The following REXO1 variants were observed in gnomAD, a reference collection of about 807,000 sequenced individuals.
REXO1 encodes the protein RNA exonuclease 1 homolog.
REXO1 carries 42 observed loss-of-function variants against 102.6 expected under a neutral mutation model. That is an observed-to-expected ratio of 0.41 (90% CI 0.32 to 0.53). The LOEUF (loss-of-function observed/expected upper bound fraction) is 0.53. Among genes scored for constraint, REXO1 ranks in the 20% least tolerant of loss-of-function variants. The probability of loss-of-function intolerance (pLI) is 0.27; values close to 1 mark genes in which losing one functional copy is unlikely to be tolerated. For synonymous variants in REXO1, 908 were observed against 779.1 expected (o/e 1.17, Z -2.76); for missense variants, 1,819 against 1,732.5 (o/e 1.05, Z -0.89).
chr19:1,818,456 G>T (rs2069434744), intron 10 of REXO1, 26 bp downstream of exon 10: 3 of 1,545,502 alleles, frequency 1.9e-6, no homozygotes, highest in African/African-American at 1.4e-5. Flanking sequence ...TGGGTGGGAA[G>T]GGGAAGGACC....
intron 11 of REXO1, 80 bp from the exon 12 acceptor site, chr19:1,817,409 C>G: frequency 6.4e-7 from 1 of 1,571,632 alleles, no homozygotes. Flanking sequence ...ATCTCTGAGC[C>G]CTTCGGGACC....
chr19:1,838,885 G>GGCTGGTGGATCTCTTGA (rs527582961), intron 1 of REXO1, among the ~76,000 whole-genome samples: 1 of 151,954 alleles, frequency 6.6e-6, no homozygotes, highest in South Asian at 2.1e-4. Context: ...GGGAGGACAA[G>GGCTGGTGGATCTCTTGA]GCTGGTGGAT....
chr19:1,838,962 C>A (rs1379337127), intron 1 of REXO1, among the ~76,000 whole-genome samples: 1 of 151,264 alleles, frequency 6.6e-6, no homozygotes, highest in Non-Finnish European at 1.5e-5. Flanking sequence ...ACTAAAAATA[C>A]AAAAATCAGC....
chr19:1,842,658 A>C (rs935429212), intron 1 of REXO1, among the ~76,000 whole-genome samples: 2 of 152,138 alleles, frequency 1.3e-5, no homozygotes, highest in Non-Finnish European at 2.9e-5. Flanking sequence ...AAAAAACAGA[A>C]TCCAACCTCA....
In REXO1 at chr19:1,816,193, G is replaced by A. The variant is rs758535327; in HGVS notation, c.3577+32C>T. On this transcript the variant is annotated intron_variant, in intron 15 of 15. Coordinates refer to ENST00000170168, the MANE Select transcript of REXO1 (RefSeq NM_020695.4). ...GCGGTGAGCACCCGGCCCCTGCGCA[G>A]GGACGGCCCCAGGGCAGGCACCGGC... 9 of 1,567,698 alleles carry A rather than the reference G, an allele frequency of 5.7e-6. No homozygotes were observed. In the African/African-American group the frequency reaches 9.5e-5, roughly 16 times the overall value.
intron 1 of REXO1, among the ~76,000 whole-genome samples, chr19:1,844,789 T>C (rs934788512): frequency 3.3e-5 from 5 of 152,192 alleles, no homozygotes; most frequent in Non-Finnish European, 4.4e-5. Flanking sequence ...GGATGGCCCC[T>C]TCCCCAGGCC....
chr19:1,827,626 C>G lies in REXO1; in HGVS notation c.1163G>C (p.Ser388Thr). 1 of 1,575,926 alleles carries G rather than the reference C, an allele frequency of 6.3e-7. No homozygotes were observed. Residue 388 changes from serine to threonine, a missense_variant, in exon 2 of 16, where the codon AGC becomes ACC. Physicochemically the swap from Ser to Thr is moderately conservative, Grantham distance 58. Transcript: ENST00000170168. Reference protein sequence around the residue: ...KKKTGAPPAPSCKDGAQGKDK... With the variant: ...KKKTGAPPAPTCKDGAQGKDK... ...CTTCCCCTGGGCCCCGTCTTTGCAG[C>G]TGGGGGCAGGTGGGGCCCCGGTTTT... is the stretch of plus-strand genomic sequence containing the variant.
At chr19:1,818,679 C>T in intron 9 of REXO1, 27 bp downstream of exon 9, 2 of 1,609,986 alleles carry the variant, frequency 1.2e-6, no homozygotes, top group Non-Finnish European at 1.7e-6. Flanking sequence ...ACCTGCCCAC[C>T]TAGGCCGTCG....
chr19:1,823,539 C>G (rs1315229584), intron 4 of REXO1, 33 bp downstream of exon 4: 2 of 1,273,532 alleles, frequency 1.6e-6, no homozygotes, highest in Non-Finnish European at 2.0e-6. Flanking sequence ...TGCCCACGGC[C>G]CCCCGGCACA....
chr19:1,839,368 G>C (rs2011198043), intron 1 of REXO1, among the ~76,000 whole-genome samples: 1 of 152,184 alleles, frequency 6.6e-6, no homozygotes, highest in Non-Finnish European at 1.5e-5. Flanking sequence ...TCCCCGTCAG[G>C]CACAGAGGAC....
At position 1,816,585 on chromosome 19, in the gene REXO1, G is replaced by A. The variant is rs1480511821; in HGVS notation, c.3318-16C>T. The A allele has an allele frequency of 6.2e-7, 1 of 1,607,556 alleles. No individual in the cohort carries two copies. The highest frequency in any genetic ancestry group is 1.3e-5 in the African/African-American group (1 of 74,626). On this transcript the variant is annotated splice_polypyrimidine_tract_variant and intron_variant, in intron 13 of 15. Transcript: ENST00000170168. ...CCCCGAAAACCTGGGGGAACGGGCA[G>A]GAGGGGCACCAGGGCTCAGCCTGGA...
At chr19:1,823,310 C>T (rs1323052418) in intron 4 of REXO1, 1 of 387,522 alleles carries the variant, frequency 2.6e-6, no homozygotes, top group African/African-American at 2.1e-5. Context: ...GGCCCTGGTT[C>T]AGCCCAGTCC....
Position 1,827,192 on chromosome 19 carries a change from G to T in REXO1, c.1597C>A (p.Pro533Thr). 5 of 1,540,474 alleles carry T rather than the reference G, an allele frequency of 3.2e-6. No individual in the cohort carries two copies. The highest frequency in any genetic ancestry group is 3.5e-6 in the Non-Finnish European group (4 of 1,146,650). ...GAGGGCCACACGCTCGGCACCCCTG[G>T]CCCTGCGGCCTCGTCCTCACTCTCG... is the stretch of plus-strand genomic sequence containing the variant. The part of the protein sequence containing the change: ...GDESEDEAAG[P>T]GVPSVWPSAL... Residue 533 changes from proline to threonine, a missense_variant, in exon 2 of 16, where the codon CCA (proline) becomes ACA (threonine). Pro to Thr is a conservative substitution (Grantham distance 38). Coordinates refer to ENST00000170168, the MANE Select transcript of REXO1 (RefSeq NM_020695.4).
At chr19:1,844,680 A>C (rs1441542949) in intron 1 of REXO1, among the ~76,000 whole-genome samples, 1 of 152,166 alleles carries the variant, frequency 6.6e-6, no homozygotes, top group Non-Finnish European at 1.5e-5. Flanking sequence ...ACCCAGAACC[A>C]CTGGCACCGG....
At position 1,816,100 on chromosome 19, in the gene REXO1, C is replaced by G; in HGVS notation, c.3632G>C (p.Trp1211Ser). The change falls in exon 16 of 16, where the codon TGG becomes TCG. Residue 1211 changes from tryptophan to serine, a missense_variant. By Grantham distance (177) the Trp-to-Ser change is radical. Coordinates refer to ENST00000170168, the MANE Select transcript of REXO1 (RefSeq NM_020695.4). ...GGTCTTGGCGTCTTCTCGAACCTTC[C>G]AGATCACCAGGTGCATGCAGGCGCC... is the stretch of plus-strand genomic sequence containing the variant. Reference protein sequence around the residue: ...DAGACMHLVIWKVREDAKTKR With the variant: ...DAGACMHLVISKVREDAKTKR The G allele has an allele frequency of 6.5e-7, 1 of 1,549,078 alleles. No homozygotes were observed. Among genetic ancestry groups the G allele is most frequent in the South Asian group, 1.2e-5 (1 of 84,122 alleles).
In REXO1 at chr19:1,823,565, G is replaced by T; in HGVS notation, c.2230+7C>A. 1 of 1,303,116 alleles carries T rather than the reference G, an allele frequency of 7.7e-7. No individual in the cohort carries two copies. The highest frequency in any genetic ancestry group is 9.8e-7 in the Non-Finnish European group (1 of 1,018,462). 80.7% of individuals were successfully genotyped at this position (1,303,116 alleles called of 1,614,324 possible). On this transcript the variant is annotated splice_region_variant and intron_variant, in intron 4 of 15. Transcript: ENST00000170168. ...CCCCGGCACAGGCCCCCTGGGCCAG[G>T]ACTCACCTGCAGCCAGGCGGGGGTT...
chr19:1,833,642 A>T (rs777810866), intron 1 of REXO1, among the ~76,000 whole-genome samples: 2 of 152,186 alleles, frequency 1.3e-5, no homozygotes, highest in African/African-American at 4.8e-5. Context: ...GGCCAGCAGC[A>T]GCTCAAGGGC....
intron 1 of REXO1, among the ~76,000 whole-genome samples, chr19:1,838,526 G>A (rs1042643646): frequency 3.9e-5 from 6 of 151,976 alleles, no homozygotes; most frequent in Non-Finnish European, 5.9e-5. Context: ...ATGCCTGGGC[G>A]CAGTAGCTCA....
At chr19:1,847,033 G>C (rs111555183) in intron 1 of REXO1, among the ~76,000 whole-genome samples, 351 of 152,270 alleles carry the variant, frequency 2.3e-3, no homozygotes, top group Non-Finnish European at 3.7e-3. Context: ...CCTATGCTAC[G>C]GGATCTGTAG....
Sources: allele counts gnomAD v4.1 joint callset (sites outside exome capture counted in the v4.1 genomes callset), GRCh38; gene constraint gnomAD v4.1.1; transcripts MANE v1.5; gene names NCBI Gene and HGNC (gene_info 2026-07-23, HGNC 2026-07-21).